DDX17: variants seen among roughly 807,000 people sequenced by gnomAD.
DDX17 encodes DEAD-box helicase 17.
Under a neutral mutation model 80.8 loss-of-function variants are expected in DDX17, and 10 were observed. The observed-to-expected ratio is 0.12, with a 90% confidence interval of 0.08 to 0.21. The LOEUF (loss-of-function observed/expected upper bound fraction) is 0.21. Ranked by LOEUF, DDX17 falls within the 10% of genes least tolerant of loss-of-function variation. The probability of loss-of-function intolerance (pLI) is 1.00; values close to 1 mark genes in which losing one functional copy is unlikely to be tolerated. For synonymous variants in DDX17, 339 were observed against 336.2 expected (o/e 1.01, Z -0.09); for missense variants, 586 against 957.4 (o/e 0.61, Z 5.12).
chr22:38,490,231 C>A, intron 11 of DDX17: 1 of 1,227,950 alleles, frequency 8.1e-7, no homozygotes. Context: ...GATGCTGTAG[C>A]AGGGTAAGAA....
At chr22:38,496,373 A>G (rs1424977169) in intron 5 of DDX17, among the ~76,000 whole-genome samples, 1 of 152,180 alleles carries the variant, frequency 6.6e-6, no homozygotes, top group African/African-American at 2.4e-5. Flanking sequence ...TCTGAGACAA[A>G]GTCTCACTCT....
At chr22:38,488,325 T>C (rs1014181629) in intron 11 of DDX17, 10 of 1,442,874 alleles carry the variant, frequency 6.9e-6, no homozygotes, top group Middle Eastern at 1.8e-4. Flanking sequence ...GCATAGGAAA[T>C]AGGATCTTTA....
chr22:38,496,917 A>C (rs1425501900), intron 5 of DDX17, among the ~76,000 whole-genome samples: 3 of 152,214 alleles, frequency 2.0e-5, no homozygotes, highest in Non-Finnish European at 4.4e-5. Context: ...TATGTATTAT[A>C]AGTACTGCAT....
intron 1 of DDX17, among the ~76,000 whole-genome samples, chr22:38,502,973 T>C (rs980210045): frequency 6.6e-6 from 1 of 152,154 alleles, no homozygotes; most frequent in Admixed American, 6.6e-5. Flanking sequence ...AGCCAGACAT[T>C]CCTCTAAATA....
chr22:38,501,290 G>T lies in DDX17; in HGVS notation c.288-10C>A, dbSNP rs1280616692. On this transcript the variant is annotated splice_polypyrimidine_tract_variant and intron_variant, in intron 1 of 12. Transcript: ENST00000403230. ...ACCTCTTGCTCCAAATCTAGGAACA[G>T]AATTTTTAGTTAGTTCATCAGTATT... is the stretch of plus-strand genomic sequence containing the variant. The T allele has an allele frequency of 7.5e-6, 12 of 1,599,260 alleles. No homozygotes were observed. The highest frequency in any genetic ancestry group is 1.0e-5 in the Non-Finnish European group (12 of 1,174,228).
In DDX17 at chr22:38,503,602, T is replaced by C. The variant is rs146220504; in HGVS notation, c.288-2322A>G. 6.9e-3 allele frequency among the ~76,000 whole-genome samples: 1,054 copies of C among 152,352 alleles called. 6 individuals carry two copies. Among genetic ancestry groups the C allele is most frequent in the Middle Eastern group, 0.017 (5 of 294 alleles). ...AGAAAGCCTTTTACTTTTGAGCATA[T>C]CCATGCCATCTTTAAATACGCACAC... On this transcript the variant is annotated intron_variant, in intron 1 of 12. Transcript: ENST00000403230.
chr22:38,502,222 C>T (rs1377705665), intron 1 of DDX17, among the ~76,000 whole-genome samples: 2 of 152,068 alleles, frequency 1.3e-5, no homozygotes, highest in African/African-American at 4.8e-5. Flanking sequence ...ACCAGCCTGG[C>T]CAATATAGTG....
intron 11 of DDX17, chr22:38,490,210 CCTTTCTAGAAGATG>C (rs914766945): frequency 6.6e-6 from 8 of 1,206,174 alleles, no homozygotes; most frequent in Non-Finnish European, 6.3e-6. Context: ...TATCTTGCTG[CCTTTCTAGAAGATG>C]CTGTAGCAGG....
In DDX17 at chr22:38,499,516, AAAG is replaced by A. The variant is rs3833951; in HGVS notation, c.439-20_439-18del. 0.29 allele frequency: 455,120 copies of A among 1,572,688 alleles called. 67,789 individuals carry two copies. The highest frequency in any genetic ancestry group is 0.37 in the East Asian group (16,727 of 44,644). ...AACCTCATACTATTGAAAAAAAATG[AAAG>A]AAGTTAGTAAACTAGTTATTCTAAA... On this transcript the variant is annotated intron_variant, in intron 2 of 12. Coordinates refer to ENST00000403230, the MANE Select transcript of DDX17 (RefSeq NM_006386.5).
intron 5 of DDX17, among the ~76,000 whole-genome samples, chr22:38,496,148 G>A (rs193156503): frequency 6.6e-6 from 1 of 152,254 alleles, no homozygotes; most frequent in Admixed American, 6.5e-5. Flanking sequence ...CATTTGGAAT[G>A]ATACTGGTAT....
intron 11 of DDX17, chr22:38,490,322 A>C (rs2089700789): frequency 7.8e-7 from 1 of 1,287,128 alleles, no homozygotes; most frequent in African/African-American, 1.5e-5. Flanking sequence ...CTGAATCGCC[A>C]ATCACTAATA....
intron 1 of DDX17, among the ~76,000 whole-genome samples, chr22:38,504,852 A>G (rs1392897361): frequency 2.6e-5 from 4 of 152,036 alleles, no homozygotes; most frequent in African/African-American, 7.2e-5. Flanking sequence ...CACAAAAGGT[A>G]GGATCTTGAC....
chr22:38,487,842 T>C (rs1283975071), intron 12 of DDX17, 37 bp downstream of exon 12: 10 of 1,612,138 alleles, frequency 6.2e-6, no homozygotes, highest in South Asian at 1.1e-5. Context: ...AAGAGATACC[T>C]TGGCAGTACC....
chr22:38,500,646 T>C (rs2089818345), intron 2 of DDX17, among the ~76,000 whole-genome samples: 2 of 149,482 alleles, frequency 1.3e-5, no homozygotes, highest in African/African-American at 5.0e-5. Context: ...TGAAACTCCA[T>C]CTCTGCTAAA....
intron 2 of DDX17, among the ~76,000 whole-genome samples, chr22:38,500,882 G>A (rs1272082347): frequency 7.5e-6 from 1 of 133,774 alleles, no homozygotes; most frequent in African/African-American, 2.8e-5. Context: ...TGTAATCCTA[G>A]CACTTTGAAA....
Position 38,506,301 on chromosome 22 carries a change from C to T in DDX17, c.-64G>A. 1 of 1,480,298 alleles carries T rather than the reference C, an allele frequency of 6.8e-7. No individual in the cohort carries two copies. The highest frequency in any genetic ancestry group is 9.0e-7 in the Non-Finnish European group (1 of 1,115,504). The allele number at this position is 1,480,298 out of a possible 1,614,324, so 91.7% of individuals were successfully genotyped here. ...GCGTCTCCTTCCTTCCCAGCGACTG[C>T]ACAAAATGGCGGCCGCCGCTGAGTC... On this transcript the variant is annotated 5_prime_UTR_variant, in exon 1 of 13. Transcript: ENST00000403230.
rs755749383 is a variant in DDX17, at chr22:38,506,079, G to C, written c.159C>G (p.Val53=). 5 of 1,580,920 alleles carry C rather than the reference G, an allele frequency of 3.2e-6. No individual in the cohort carries two copies. Among genetic ancestry groups the C allele is most frequent in the Non-Finnish European group, 4.3e-6 (5 of 1,164,188 alleles). The stretch of plus-strand genomic sequence containing the variant: ...GGGCCTGCGGCTCCGGTCTGGTGAC[G>C]ACCGATGGCGGCGGCGCCTCCGCTG... Residue 53 remains valine, a synonymous_variant, in exon 1 of 13, where the codon GTC becomes GTG. Coordinates refer to ENST00000403230, the MANE Select transcript of DDX17 (RefSeq NM_006386.5).
At chr22:38,490,496 A>G in intron 11 of DDX17, 1 of 1,258,354 alleles carries the variant, frequency 7.9e-7, no homozygotes, top group Non-Finnish European at 1.0e-6. Context: ...TGTAGTTCAA[A>G]CAAAAAAAAG....
In DDX17 at chr22:38,485,822, AAAAAAAAAGAAAAAAGG is replaced by A. The variant is rs1204733751; in HGVS notation, c.*96_*112del. The A allele has an allele frequency of 1.4e-5, 19 of 1,388,846 alleles. No individual in the cohort carries two copies. The South Asian group carries it at 1.8e-4, about 13-fold the overall frequency. 86.0% of individuals were successfully genotyped at this position (1,388,846 alleles called of 1,614,324 possible). A position where few individuals can be genotyped will look rare whatever the true frequency, so the allele number is the denominator to read the frequency against. On this transcript the variant is annotated 3_prime_UTR_variant, in exon 13 of 13. Transcript: ENST00000403230. ...CGATGGTTGGGGGGAAAAATTAAAA[AAAAAAAAAGAAAAAAGG>A]AAAAAAAAAGAAAAGGCGAAGAGGA...
Sources: allele counts gnomAD v4.1 joint callset (sites outside exome capture counted in the v4.1 genomes callset), GRCh38; gene constraint gnomAD v4.1.1; transcripts MANE v1.5; gene names NCBI Gene and HGNC (gene_info 2026-07-23, HGNC 2026-07-21).